Variants in MAX observed in about 807,000 individuals in gnomAD.
MAX encodes MYC associated transcriptional regulator X.
MAX carries 3 observed loss-of-function variants against 22.3 expected under a neutral mutation model. The observed-to-expected ratio is 0.13, with a 90% CI of 0.06 to 0.35. MAX has a LOEUF of 0.35. Among genes scored for constraint, MAX ranks in the 10% least tolerant of loss-of-function variants. The pLI, the probability that MAX is intolerant of heterozygous loss-of-function variation, is 1.00. For synonymous variants in MAX, 72 were observed against 77.7 expected (o/e 0.93, Z 0.39); for missense variants, 119 against 209.4 (o/e 0.57, Z 2.66).
At position 65,077,658 on chromosome 14, in the gene MAX, G is replaced by A. The variant is rs1393198662; in HGVS notation, c.295+255C>T. On this transcript the variant is annotated intron_variant, in intron 4 of 4. Coordinates refer to ENST00000358664, the MANE Select transcript of MAX (RefSeq NM_002382.5). This position sits in a 1 kb window ranked among gnomAD's most constrained non-coding sequence, Gnocchi z 6.3. ...AGGCAGAGCACCTGAGCCCCAAGAA[G>A]GGGAGAGGTCAGGCCAGAAAAGATA... is the stretch of plus-strand genomic sequence containing the variant. 2.8e-6 allele frequency: 4 copies of A among 1,449,544 alleles called. No individual in the cohort carries two copies. The East Asian group carries it at 7.4e-5, about 27-fold the overall frequency. The allele number at this position is 1,449,544 out of a possible 1,614,324, so 89.8% of individuals were successfully genotyped here.
At chr14:65,015,507 G>A (rs1414800493) in intron 3 of MAX, 1 of 799,726 alleles carries the variant, frequency 1.3e-6, no homozygotes, top group South Asian at 2.4e-5. Flanking sequence ...TGTTGTTTGA[G>A]CAAGGGTGCC....
Position 65,027,611 on chromosome 14 carries a change from G to A in MAX, c.172-21327C>T. On this transcript the variant is annotated intron_variant, in intron 3 of 3. Coordinates refer to the MAX transcript ENST00000341653. This position sits in a 1 kb window ranked among gnomAD's most constrained non-coding sequence, Gnocchi z 5.7. ...GACATCATTAACAGGTACAGTGAAA[G>A]CCAGCAGTGACAGAAACCTAGAGGA... is the stretch of plus-strand genomic sequence containing the variant. 6.2e-7 allele frequency: 1 copy of A among 1,614,146 alleles called. No homozygotes were observed. Among genetic ancestry groups the A allele is most frequent in the South Asian group, 1.1e-5 (1 of 91,086 alleles).
intron 3 of MAX, among the ~76,000 whole-genome samples, chr14:65,040,208 C>T (rs72728264): frequency 0.1 from 15,071 of 150,862 alleles, 1,000 homozygotes; most frequent in Admixed American, 0.17. Context: ...CTAGAATCAA[C>T]AATCACTCTT....
rs1446665254 is a variant in MAX, at chr14:65,079,898, A to G, written c.172-1862T>C. ...GGTAATTTCCTCAAGGAAATTGTTC[A>G]TAATCAACCATTTTTATCAGGTGCA... On this transcript the variant is annotated intron_variant, in intron 3 of 4. Transcript: ENST00000358664. This position sits in a 1 kb window ranked among gnomAD's most constrained non-coding sequence, Gnocchi z 4.5. Among the ~76,000 whole-genome samples the G allele has an allele frequency of 6.6e-6, 1 of 152,246 alleles. No individual in the cohort carries two copies. The highest frequency in any genetic ancestry group is 2.4e-5 in the African/African-American group (1 of 41,466).
chr14:65,077,744 T>C lies in MAX; in HGVS notation c.295+169A>G, dbSNP rs2063097505. The C allele has an allele frequency of 3.7e-6, 6 of 1,608,854 alleles. No homozygotes were observed. The Admixed American group carries it at 8.4e-5, about 23-fold the overall frequency. On this transcript the variant is annotated intron_variant, in intron 4 of 4. Transcript: ENST00000358664. This position sits in a 1 kb window ranked among gnomAD's most constrained non-coding sequence, Gnocchi z 6.3. ...GTCTCCTCACTGGCGCCTCAGGTCC[T>C]TCCTCAGGACGGCTCTAACACTCAG... is the stretch of plus-strand genomic sequence containing the variant.
At chr14:65,055,808 C>T (rs1440963219) in intron 3 of MAX, among the ~76,000 whole-genome samples, 2 of 152,304 alleles carry the variant, frequency 1.3e-5, no homozygotes, top group Middle Eastern at 3.4e-3. Context: ...TGAGCCACCA[C>T]GCCTGGCCCC....
Position 65,077,002 on chromosome 14 carries a change from C to T in MAX, c.296-339G>A, listed in dbSNP as rs1255280309. On this transcript the variant is annotated intron_variant, in intron 4 of 4. Transcript: ENST00000358664. This position sits in a 1 kb window ranked among gnomAD's most constrained non-coding sequence, Gnocchi z 6.3. The stretch of plus-strand genomic sequence containing the variant: ...CAGCAGTGCAATAACAGAGGAGAAG[C>T]TGGCCCAGGAGCATGAGGCTCCACA... 7.4e-6 allele frequency: 4 copies of T among 542,278 alleles called. No homozygotes were observed. Among genetic ancestry groups the T allele is most frequent in the Non-Finnish European group, 1.3e-5 (4 of 303,018 alleles). The allele number at this position is 542,278 out of a possible 1,614,324, so 33.6% of individuals were successfully genotyped here. A position where few individuals can be genotyped will look rare whatever the true frequency, so the allele number is the denominator to read the frequency against.
chr14:65,101,599 A>C, intron 1 of MAX, 27 bp from the exon 2 acceptor site: 1 of 1,512,582 alleles, frequency 6.6e-7, no homozygotes, highest in East Asian at 2.3e-5. Context: ...AAAAAAAAAT[A>C]GAAAATATAG....
Position 65,062,161 on chromosome 14 carries a change from G to A in MAX, c.171+31547C>T, listed in dbSNP as rs1399871817. The stretch of plus-strand genomic sequence containing the variant: ...TGCCTGCAGGCCGAGGCCCTTCTGG[G>A]GGTTTCTATCTTTCTTCCACCAGAC... On this transcript the variant is annotated intron_variant, in intron 3 of 3. Coordinates refer to the MAX transcript ENST00000341653. The surrounding 1 kb of genome is among the most constrained non-coding windows in gnomAD (Gnocchi z 4.3). 7 of 152,544 alleles carry A rather than the reference G, an allele frequency of 4.6e-5. No individual in the cohort carries two copies. In the East Asian group the frequency reaches 1.3e-3, roughly 29 times the overall value. 9.4% of individuals were successfully genotyped at this position (152,544 alleles called of 1,614,324 possible).
intron 3 of MAX, among the ~76,000 whole-genome samples, chr14:65,060,440 T>C (rs1409179271): frequency 7.5e-6 from 1 of 132,758 alleles, no homozygotes; most frequent in East Asian, 2.2e-4. Flanking sequence ...AATACAAAAA[T>C]AATCCCAGCA....
At position 65,012,830 on chromosome 14, in the gene MAX, A is replaced by C. The variant is rs2061705303; in HGVS notation, c.172-6546T>G. ...TCCAACTTCACCACTCCTTCTAGTA[A>C]GTACATTACTTTTCATATCTTCATT... On this transcript the variant is annotated intron_variant, in intron 3 of 3. Coordinates refer to the MAX transcript ENST00000341653. The surrounding 1 kb of genome is among the most constrained non-coding windows in gnomAD (Gnocchi z 5.0). Among the ~76,000 whole-genome samples the C allele has an allele frequency of 2.6e-5, 4 of 152,210 alleles. No homozygotes were observed. Among genetic ancestry groups the C allele is most frequent in the Admixed American group, 2.6e-4 (4 of 15,288 alleles).
rs183737336 is a variant in MAX at position 65,010,247 on chromosome 14, C to T, written c.172-3963G>A. ...CTCCTGTTTCTCTCCTTCACTGGCT[C>T]CTCCAAACCCTTAGAGATGGGTCTT... On this transcript the variant is annotated intron_variant, in intron 3 of 3. Coordinates refer to the MAX transcript ENST00000341653. Among the ~76,000 whole-genome samples, 190 of 152,356 alleles carry T rather than the reference C, an allele frequency of 1.2e-3. 1 individual carries two copies. Among genetic ancestry groups the T allele is most frequent in the African/African-American group, 4.6e-3 (190 of 41,588 alleles).
Position 65,078,134 on chromosome 14 carries a change from C to T in MAX, c.172-98G>A, listed in dbSNP as rs535581733. On this transcript the variant is annotated intron_variant, in intron 3 of 4. Coordinates refer to ENST00000358664, the MANE Select transcript of MAX (RefSeq NM_002382.5). This position sits in a 1 kb window ranked among gnomAD's most constrained non-coding sequence, Gnocchi z 6.4. ...CAGCAACTGCTTGGGTGGCTGGAAA[C>T]GAGAGGGTAAGGTGGGAAAAGGCTG... The T allele has an allele frequency of 7.4e-6, 10 of 1,355,748 alleles. No homozygotes were observed. In the South Asian group the frequency reaches 1.1e-4, roughly 14 times the overall value. The allele number at this position is 1,355,748 out of a possible 1,614,324, so 84.0% of individuals were successfully genotyped here.
In MAX at chr14:65,093,091, C is replaced by A. The variant is rs2063555202; in HGVS notation, c.171+617G>T. 6.6e-6 allele frequency among the ~76,000 whole-genome samples: 1 copy of A among 152,214 alleles called. No individual in the cohort carries two copies. On this transcript the variant is annotated intron_variant, in intron 3 of 4. Coordinates refer to ENST00000358664, the MANE Select transcript of MAX (RefSeq NM_002382.5). The surrounding 1 kb of genome is among the most constrained non-coding windows in gnomAD (Gnocchi z 4.4). ...TAGAAACAGCTGGTGCCTAGCCCTC[C>A]AGGGAAAACACTAGGTTCCAGAAGG...
At chr14:65,041,381 C>T (rs1008671238) in intron 3 of MAX, among the ~76,000 whole-genome samples, 1 of 152,176 alleles carries the variant, frequency 6.6e-6, no homozygotes, top group African/African-American at 2.4e-5. Flanking sequence ...GGCAGCCCAA[C>T]ATTTATGTCT....
rs1156323367 is a variant in MAX at position 65,084,921 on chromosome 14, T to C, written c.172-6885A>G. Among the ~76,000 whole-genome samples the C allele has an allele frequency of 6.6e-6, 1 of 152,044 alleles. No individual in the cohort carries two copies. Among genetic ancestry groups the C allele is most frequent in the Non-Finnish European group, 1.5e-5 (1 of 68,014 alleles). On this transcript the variant is annotated intron_variant, in intron 3 of 4. Coordinates refer to ENST00000358664, the MANE Select transcript of MAX (RefSeq NM_002382.5). The surrounding 1 kb of genome is among the most constrained non-coding windows in gnomAD (Gnocchi z 4.3). ...GGGAGAAAAAAAGGAGGCAGGTTTCTTTTCACATCCACTTTAAGATGATGT... is the reference window on the plus strand; with the variant it reads ...GGGAGAAAAAAAGGAGGCAGGTTTCCTTTCACATCCACTTTAAGATGATGT...
chr14:65,010,294 T>C (rs989034031), intron 3 of MAX, among the ~76,000 whole-genome samples: 1 of 152,220 alleles, frequency 6.6e-6, no homozygotes, highest in Non-Finnish European at 1.5e-5. Context: ...GTTTCCAAAC[T>C]TCTCTCTCTG....
intron 2 of MAX, among the ~76,000 whole-genome samples, chr14:65,101,050 T>C (rs1382832357): frequency 6.6e-6 from 1 of 152,262 alleles, no homozygotes; most frequent in Non-Finnish European, 1.5e-5. Flanking sequence ...ACATTTCCAA[T>C]TTTTGCATTA....
At chr14:65,013,886 A>G (rs940851579) in intron 3 of MAX, among the ~76,000 whole-genome samples, 3 of 152,194 alleles carry the variant, frequency 2.0e-5, no homozygotes, top group African/African-American at 4.8e-5. Context: ...CATGAGGTAG[A>G]TCAATCTCTT....
Sources: gnomAD v4.1 joint callset for allele counts (sites outside exome capture counted in the v4.1 genomes callset) on GRCh38, gnomAD v4.1.1 for gene constraint, Gnocchi (gnomAD v3.1) non-coding constraint, MANE v1.5 for transcripts, NCBI Gene and HGNC (gene_info 2026-07-23, HGNC 2026-07-21) for gene names.